Variants in AKAP13 observed in about 807,000 individuals in gnomAD.
The protein encoded by AKAP13 is A-kinase anchor protein 13.
AKAP13 carries 80 observed loss-of-function variants against 264.5 expected under a neutral mutation model. The observed-to-expected ratio is 0.30, with a 90% CI of 0.25 to 0.36. The LOEUF (loss-of-function observed/expected upper bound fraction) is 0.36, where lower values mean the gene tolerates loss of function less well. AKAP13 is among the 10% of genes least tolerant of loss of function. The pLI is 1.00. For missense variants in AKAP13, 3,712 were observed against 3,435.2 expected, an observed-to-expected ratio of 1.08 and a Z score of -2.01; for synonymous variants, 1,380 against 1,250.2, an observed-to-expected ratio of 1.10 and a Z score of -2.19.
chr15:85,699,506 A>G (rs1020588729), intron 17 of AKAP13, among the ~76,000 whole-genome samples: 1 of 152,216 alleles, frequency 6.6e-6, no homozygotes, highest in African/African-American at 2.4e-5. Flanking sequence ...ACTGTTAACA[A>G]TCTGAAGAAA....
chr15:85,715,564 C>G (rs1253568767), intron 19 of AKAP13, among the ~76,000 whole-genome samples: 1 of 151,332 alleles, frequency 6.6e-6, no homozygotes, highest in African/African-American at 2.4e-5. Context: ...CACTGTAAAG[C>G]GCCTTACTTC....
chr15:85,733,438 T>C (rs2088195755), intron 30 of AKAP13, among the ~76,000 whole-genome samples: 1 of 152,346 alleles, frequency 6.6e-6, no homozygotes, highest in South Asian at 2.1e-4. Flanking sequence ...TTCCTTGGTA[T>C]TTGTTACCCT....
intron 1 of AKAP13, among the ~76,000 whole-genome samples, chr15:85,456,550 G>GTTTT (rs34952196): frequency 8.2e-6 from 1 of 121,858 alleles, no homozygotes; most frequent in African/African-American, 3.2e-5. Context: ...CCCACTTTCT[G>GTTTT]TTTTTTTTTT....
intron 14 of AKAP13, among the ~76,000 whole-genome samples, chr15:85,680,800 G>A (rs909608510): frequency 2.0e-5 from 3 of 152,076 alleles, no homozygotes; most frequent in Non-Finnish European, 2.9e-5. Flanking sequence ...TTCAAATGCG[G>A]GTAATCTGGG....
At chr15:85,744,055 C>G (rs868649358) in intron 36 of AKAP13, 6 of 552,434 alleles carry the variant, frequency 1.1e-5, no homozygotes, top group African/African-American at 7.5e-5. Flanking sequence ...GTTTCATTTT[C>G]AAGGCATTAT....
At chr15:85,680,902 C>G (rs540414544) in intron 14 of AKAP13, among the ~76,000 whole-genome samples, 1 of 152,270 alleles carries the variant, frequency 6.6e-6, no homozygotes, top group East Asian at 1.9e-4. Flanking sequence ...ACTGCAACCT[C>G]GACCTCCTGG....
chr15:85,670,188 A>G (rs2083843312), intron 14 of AKAP13, among the ~76,000 whole-genome samples: 1 of 152,070 alleles, frequency 6.6e-6, no homozygotes, highest in African/African-American at 2.4e-5. Context: ...TGTATTCTTC[A>G]CGTCCAGTCC....
intron 8 of AKAP13, among the ~76,000 whole-genome samples, chr15:85,618,455 T>C (rs1262112296): frequency 1.3e-5 from 2 of 148,234 alleles, no homozygotes; most frequent in South Asian, 2.1e-4. Context: ...AGAAATCCTT[T>C]TTTTTTTTTA....
intron 1 of AKAP13, among the ~76,000 whole-genome samples, chr15:85,459,721 A>C (rs1221966224): frequency 6.6e-6 from 1 of 151,884 alleles, no homozygotes; most frequent in South Asian, 2.1e-4. Context: ...GGATAGTCTC[A>C]ATCTCCTGAC....
intron 8 of AKAP13, among the ~76,000 whole-genome samples, chr15:85,595,820 G>C (rs1251995128): frequency 6.6e-6 from 1 of 152,076 alleles, no homozygotes; most frequent in African/African-American, 2.4e-5. Flanking sequence ...CAGTAATCCA[G>C]GTTAAAAAAA....
chr15:85,633,588 G>A (rs902082872), intron 8 of AKAP13, among the ~76,000 whole-genome samples: 5 of 137,610 alleles, frequency 3.6e-5, no homozygotes, highest in Admixed American at 1.6e-4. Flanking sequence ...TTGTCACCCA[G>A]GCTGGAGTGC....
intron 8 of AKAP13, among the ~76,000 whole-genome samples, chr15:85,623,201 T>C (rs1035963386): frequency 6.6e-6 from 1 of 152,238 alleles, no homozygotes; most frequent in Non-Finnish European, 1.5e-5. Context: ...TGCTTTTTTG[T>C]ACTAAGGAGT....
At chr15:85,552,731 G>T (rs1308382912) in intron 5 of AKAP13, among the ~76,000 whole-genome samples, 3 of 148,934 alleles carry the variant, frequency 2.0e-5, no homozygotes, top group African/African-American at 7.4e-5. Flanking sequence ...GGGTTCAAGT[G>T]ATTCTTTTGC....
chr15:85,515,281 C>G (rs1291725116), intron 2 of AKAP13, among the ~76,000 whole-genome samples: 2 of 138,098 alleles, frequency 1.4e-5, no homozygotes, highest in African/African-American at 5.8e-5. Context: ...AACTTTATGC[C>G]CCTATTTTCC....
intron 16 of AKAP13, among the ~76,000 whole-genome samples, chr15:85,686,810 T>C (rs996487673): frequency 6.6e-6 from 1 of 152,204 alleles, no homozygotes; most frequent in African/African-American, 2.4e-5. Flanking sequence ...TGTATAGTCT[T>C]AGCATTCCAC....
chr15:85,723,323 A>G lies in AKAP13; in HGVS notation c.6745+3A>G, dbSNP rs1384052958. 6 of 1,613,784 alleles carry G rather than the reference A, an allele frequency of 3.7e-6. No individual in the cohort carries two copies. Among genetic ancestry groups the G allele is most frequent in the Non-Finnish European group, 4.2e-6 (5 of 1,179,734 alleles). On this transcript the variant is annotated splice_donor_region_variant and intron_variant, in intron 26 of 36. Transcript: ENST00000394518. ...GAATGCAGCAGGAAGGTTGAAAGGTAAGGCTTGGCTCTTTTGTCTTAAGTA... is the reference window on the plus strand; with the variant it reads ...GAATGCAGCAGGAAGGTTGAAAGGTGAGGCTTGGCTCTTTTGTCTTAAGTA...
intron 14 of AKAP13, among the ~76,000 whole-genome samples, chr15:85,677,310 G>GGC (rs1567189846): frequency 6.6e-6 from 1 of 152,128 alleles, no homozygotes; most frequent in African/African-American, 2.4e-5. Context: ...TGAGCTACTG[G>GGC]CCTCCTGATT....
Position 85,727,566 on chromosome 15 carries a change from C to A in AKAP13, c.7087+103C>A. 1.5e-6 allele frequency: 2 copies of A among 1,305,726 alleles called. No individual in the cohort carries two copies. Among genetic ancestry groups the A allele is most frequent in the Non-Finnish European group, 1.1e-6 (1 of 928,258 alleles). 80.9% of individuals were successfully genotyped at this position (1,305,726 alleles called of 1,614,324 possible). ...TACGGGTTTGCCCTCAGTTCTAAAG[C>A]TGCCCCAGCAGGCACTTGAAAGCAG... On this transcript the variant is annotated intron_variant, in intron 29 of 36. Coordinates refer to ENST00000394518, the MANE Select transcript of AKAP13 (RefSeq NM_007200.5). The surrounding 1 kb of genome is among the most constrained non-coding windows in gnomAD (Gnocchi z 5.3).
chr15:85,527,195 C>G (rs1054521440), intron 3 of AKAP13, among the ~76,000 whole-genome samples: 1 of 152,114 alleles, frequency 6.6e-6, no homozygotes, highest in Non-Finnish European at 1.5e-5. Context: ...GATCTCCTGA[C>G]CTCGTGATCC....
Sources: allele counts gnomAD v4.1 joint callset (sites outside exome capture counted in the v4.1 genomes callset), GRCh38; gene constraint gnomAD v4.1.1; non-coding constraint Gnocchi (gnomAD v3.1); transcripts MANE v1.5; gene names NCBI Gene and HGNC (gene_info 2026-07-23, HGNC 2026-07-21).